Variants in LAIR1 observed in about 807,000 individuals in gnomAD.
The protein encoded by LAIR1 is leukocyte-associated immunoglobulin-like receptor 1.
Under a neutral mutation model 32.8 loss-of-function variants are expected in LAIR1, and 24 were observed. The ratio of observed to expected loss-of-function variants is 0.73; its 90% CI spans 0.53 to 1.03. The LOEUF (loss-of-function observed/expected upper bound fraction) is 1.03, where lower values mean the gene tolerates loss of function less well. Ranked by LOEUF, LAIR1 falls within the 50% of genes least tolerant of loss-of-function variation. The probability of loss-of-function intolerance (pLI) is 0.00; values close to 1 mark genes in which losing one functional copy is unlikely to be tolerated. For missense variants in LAIR1, 355 were observed against 347.5 expected (o/e 1.02, Z -0.17); for synonymous variants, 150 against 140.5 (o/e 1.07, Z -0.48).
chr19:54,374,943 C>T (rs550104530), upstream of LAIR1, among the ~76,000 whole-genome samples: 31 of 152,242 alleles, frequency 2.0e-4, no homozygotes, highest in African/African-American at 6.5e-4. Flanking sequence ...GGTGGGAGTC[C>T]GCTGTGCTGC....
intron 4 of LAIR1, chr19:54,358,561 C>T (rs772574844): frequency 6.8e-6 from 11 of 1,610,534 alleles, no homozygotes; most frequent in East Asian, 2.2e-5. Flanking sequence ...GTTCACAAGA[C>T]GGGAGGCCAT....
chr19:54,360,871 G>T, intron 3 of LAIR1, 45 bp downstream of exon 3: 1 of 1,577,334 alleles, frequency 6.3e-7, no homozygotes, highest in South Asian at 1.2e-5. Context: ...GGACAAGCTC[G>T]AGGGTCGAGC....
At position 54,355,514 on chromosome 19, in the gene LAIR1, G is replaced by A. The variant is rs1187888603; in HGVS notation, c.718-100C>T. 9.1e-7 allele frequency: 1 copy of A among 1,097,430 alleles called. No homozygotes were observed. Among genetic ancestry groups the A allele is most frequent in the Non-Finnish European group, 1.3e-6 (1 of 776,318 alleles). 68.0% of individuals were successfully genotyped at this position (1,097,430 alleles called of 1,614,324 possible). A position where few individuals can be genotyped will look rare whatever the true frequency, so the allele number is the denominator to read the frequency against. On this transcript the variant is annotated intron_variant, in intron 9 of 9. Transcript: ENST00000391742. This position sits in a 1 kb window ranked among gnomAD's most constrained non-coding sequence, Gnocchi z 4.7. ...TGGCGGCCATCTCCATGGGCCCTGA[G>A]GACCCTCTCCTAAATTGCATCCGTG...
upstream of LAIR1, among the ~76,000 whole-genome samples, chr19:54,366,195 G>A (rs951760776): frequency 1.3e-5 from 2 of 152,202 alleles, no homozygotes; most frequent in South Asian, 4.1e-4. Context: ...CAGCAATAAC[G>A]TCTTGTTCAC....
At chr19:54,368,649 G>A (rs1338603696), upstream of LAIR1, 1 of 151,902 alleles carries the variant, frequency 6.6e-6, no homozygotes, top group Admixed American at 6.6e-5. Context: ...CCTCCATGTG[G>A]CCACTGGTTC....
At position 54,355,991 on chromosome 19, in the gene LAIR1, T is replaced by C; in HGVS notation, c.680A>G (p.Asn227Ser). The C allele has an allele frequency of 4.3e-6, 7 of 1,610,568 alleles. No homozygotes were observed. Among genetic ancestry groups the C allele is most frequent in the Non-Finnish European group, 5.9e-6 (7 of 1,176,688 alleles). The change falls in exon 9 of 10, where the codon AAT becomes AGT. Residue 227 changes from asparagine to serine, a missense_variant. Physicochemically the swap from Asn to Ser is conservative, Grantham distance 46. Transcript: ENST00000391742. This position sits in a 1 kb window ranked among gnomAD's most constrained non-coding sequence, Gnocchi z 4.7. ...LERTADKATV[N>S]GLPEKDRETD... ...CTCTCTGTCCTTCTCAGGAAGTCCATTGACTGTGGCCTTGTCTTGGGGAGA... is the reference window on the plus strand; with the variant it reads ...CTCTCTGTCCTTCTCAGGAAGTCCACTGACTGTGGCCTTGTCTTGGGGAGA...
the LAIR1 span, among the ~76,000 whole-genome samples, chr19:54,375,596 A>G: frequency 1.3e-5 from 2 of 152,296 alleles, no homozygotes; most frequent in South Asian, 4.1e-4. Flanking sequence ...TGGAGGGGGA[A>G]TCTGAACACC....
chr19:54,358,372 T>C, intron 4 of LAIR1: 1 of 183,872 alleles, frequency 5.4e-6, no homozygotes, highest in Non-Finnish European at 9.1e-6. Context: ...TATAATTATC[T>C]TCCTTATATA....
At chr19:54,373,307 G>A (rs71365460), upstream of LAIR1, among the ~76,000 whole-genome samples, 1,980 of 149,874 alleles carry the variant, frequency 0.013, 37 homozygotes, top group South Asian at 0.042. Flanking sequence ...AGCTGGGCGT[G>A]GTGGCGGGCA....
chr19:54,375,563 C>T, the LAIR1 span, among the ~76,000 whole-genome samples: 132 of 152,302 alleles, frequency 8.7e-4, no homozygotes, highest in South Asian at 4.0e-3. Flanking sequence ...CAAATCCAGA[C>T]GGGCAACCAC....
At chr19:54,366,827 G>T (rs949192792), upstream of LAIR1, among the ~76,000 whole-genome samples, 5 of 152,264 alleles carry the variant, frequency 3.3e-5, no homozygotes, top group East Asian at 3.9e-4. Flanking sequence ...TGTTCAAGTG[G>T]CATGGCTTCT....
chr19:54,366,338 C>G (rs936709385), upstream of LAIR1, among the ~76,000 whole-genome samples: 3 of 152,148 alleles, frequency 2.0e-5, no homozygotes, highest in African/African-American at 7.2e-5. Context: ...GTGATGTGAA[C>G]AGCGAAGTCC....
upstream of LAIR1, among the ~76,000 whole-genome samples, chr19:54,367,750 A>AT (rs201003400): frequency 0.045 from 6,617 of 148,254 alleles, 508 homozygotes; most frequent in African/African-American, 0.15. Flanking sequence ...CATCTAAAAA[A>AT]ATATATATTT....
intron 4 of LAIR1, among the ~76,000 whole-genome samples, chr19:54,357,810 T>A (rs2081798170): frequency 6.6e-6 from 1 of 151,812 alleles, no homozygotes; most frequent in South Asian, 2.1e-4. Context: ...AGACATTCTC[T>A]CTTGGAATGT....
chr19:54,364,776 C>T lies in LAIR1; in HGVS notation c.29G>A (p.Gly10Asp), dbSNP rs776168342. 1.5e-5 allele frequency: 25 copies of T among 1,613,836 alleles called. No homozygotes were observed. Among genetic ancestry groups the T allele is most frequent in the Non-Finnish European group, 2.1e-5 (25 of 1,179,766 alleles). The change falls in exon 1 of 10, where the codon GGC (glycine) becomes GAC (aspartate). Residue 10 changes from glycine to aspartate, a missense_variant. Gly to Asp is a moderately conservative substitution (Grantham distance 94). Transcript: ENST00000391742. The surrounding 1 kb of genome is among the most constrained non-coding windows in gnomAD (Gnocchi z 4.8). ...CGGCTGCCTCCAGGACTCACCTAGG[C>T]CCAGGAGGGCGGTGGGGTGGGGAGA... MSPHPTALLGLVLCLAQTIH... is the reference protein window; with the variant it reads MSPHPTALLDLVLCLAQTIH...
Position 54,364,418 on chromosome 19 carries a change from G to A in LAIR1, c.35-88C>T, listed in dbSNP as rs1393213584. On this transcript the variant is annotated intron_variant, in intron 1 of 9. Coordinates refer to ENST00000391742, the MANE Select transcript of LAIR1 (RefSeq NM_002287.6). This position sits in a 1 kb window ranked among gnomAD's most constrained non-coding sequence, Gnocchi z 4.8. ...AAAAGGGGGCTCGATGGAGCTGGGG[G>A]GCATTCAGCATTTCATAACGACCAA... 5 of 1,517,064 alleles carry A rather than the reference G, an allele frequency of 3.3e-6. No individual in the cohort carries two copies. The highest frequency in any genetic ancestry group is 2.3e-5 in the South Asian group (2 of 88,478). 94.0% of individuals were successfully genotyped at this position (1,517,064 alleles called of 1,614,324 possible). A position where few individuals can be genotyped will look rare whatever the true frequency, so the allele number is the denominator to read the frequency against.
chr19:54,364,536 C>T lies in LAIR1; in HGVS notation c.35-206G>A, dbSNP rs555300055. The T allele has an allele frequency of 1.2e-6, 1 of 801,210 alleles. No individual in the cohort carries two copies. The highest frequency in any genetic ancestry group is 2.2e-6 in the Non-Finnish European group (1 of 460,974). 49.6% of individuals were successfully genotyped at this position (801,210 alleles called of 1,614,324 possible). The stretch of plus-strand genomic sequence containing the variant: ...CCCAAAGTCTCCTCCTCCAAAAAGG[C>T]TCCTGCTCCCCCAGCCCTTCTTAAA... On this transcript the variant is annotated intron_variant, in intron 1 of 9. Coordinates refer to ENST00000391742, the MANE Select transcript of LAIR1 (RefSeq NM_002287.6). This position sits in a 1 kb window ranked among gnomAD's most constrained non-coding sequence, Gnocchi z 4.8.
At position 54,354,932 on chromosome 19, in the gene LAIR1, A is replaced by G. The variant is rs1379483832; in HGVS notation, c.*336T>C. 4.0e-6 allele frequency: 1 copy of G among 251,222 alleles called. No homozygotes were observed. The highest frequency in any genetic ancestry group is 7.6e-6 in the Non-Finnish European group (1 of 132,394). 15.6% of individuals were successfully genotyped at this position (251,222 alleles called of 1,614,324 possible). A position where few individuals can be genotyped will look rare whatever the true frequency, so the allele number is the denominator to read the frequency against. On this transcript the variant is annotated 3_prime_UTR_variant, in exon 10 of 10. Coordinates refer to ENST00000391742, the MANE Select transcript of LAIR1 (RefSeq NM_002287.6). ...GCTGATTGGCTGTAGCTGGGCCTTT[A>G]GAACAGGCAGGTGACTTTAGCTGGG...
At chr19:54,367,456 T>C (rs572965246), upstream of LAIR1, among the ~76,000 whole-genome samples, 1 of 152,268 alleles carries the variant, frequency 6.6e-6, no homozygotes, top group South Asian at 2.1e-4. Context: ...TGTTAAAGAT[T>C]TTTTAGGCCG....
Sources: gnomAD v4.1 joint callset for allele counts (sites outside exome capture counted in the v4.1 genomes callset) on GRCh38, gnomAD v4.1.1 for gene constraint, Gnocchi (gnomAD v3.1) non-coding constraint, MANE v1.5 for transcripts, NCBI Gene and HGNC (gene_info 2026-07-23, HGNC 2026-07-21) for gene names.